The following EWSR1 variants were observed in gnomAD, a reference collection of about 807,000 sequenced individuals.
The protein encoded by EWSR1 is EWS RNA binding protein 1, also known as RNA-binding protein EWS.
Under a neutral mutation model 92.1 loss-of-function variants are expected in EWSR1, and 14 were observed. The ratio of observed to expected loss-of-function variants is 0.15; its 90% CI spans 0.10 to 0.24. EWSR1 has a LOEUF of 0.24. Ranked by LOEUF, EWSR1 falls within the 10% of genes least tolerant of loss-of-function variation. The pLI is 1.00. For missense variants in EWSR1, 637 were observed against 870.9 expected, an observed-to-expected ratio of 0.73 and a Z score of 3.38; for synonymous variants, 303 against 292.9, an observed-to-expected ratio of 1.03 and a Z score of -0.35.
intron 4 of EWSR1, chr22:29,275,921 TTTTTTGTTTTTTTG>T (rs1428913658): frequency 1.0e-5 from 2 of 199,820 alleles, no homozygotes; most frequent in Non-Finnish European, 1.9e-5. Flanking sequence ...GGTCTTTTGT[TTTTTTGTTTTTTTG>T]TTTTTTTTTT....
At chr22:29,299,445 G>T (rs946723494) in intron 15 of EWSR1, 114 bp downstream of exon 15, 3 of 1,498,008 alleles carry the variant, frequency 2.0e-6, no homozygotes, top group African/African-American at 1.4e-5. Flanking sequence ...GAGTTGTCGT[G>T]TCCTCATTTC....
chr22:29,282,043 C>T (rs1407296455), intron 5 of EWSR1, among the ~76,000 whole-genome samples: 2 of 152,158 alleles, frequency 1.3e-5, no homozygotes, highest in African/African-American at 4.8e-5. Context: ...AGCATTTATT[C>T]CCTAACAGAT....
At position 29,298,507 on chromosome 22, in the gene EWSR1, C is replaced by CAA. The variant is rs35896020; in HGVS notation, c.1418-209_1418-208dup. On this transcript the variant is annotated intron_variant, in intron 13 of 16. Coordinates refer to ENST00000397938, the MANE Select transcript of EWSR1 (RefSeq NM_005243.4). Reference sequence around the variant, plus strand: ...GGGCAACAGTGTGAGACTCCGTCTCCAAAAAAAAAAAAAAAAAATTGTGGG... The same window carrying CAA: ...GGGCAACAGTGTGAGACTCCGTCTCCAAAAAAAAAAAAAAAAAAAATTGTGGG... Among the ~76,000 whole-genome samples, 221 of 107,194 alleles carry CAA rather than the reference C, an allele frequency of 2.1e-3. 2 individuals carry two copies. In the South Asian group the frequency reaches 0.021, roughly 10 times the overall value. 70.3% of individuals were successfully genotyped at this position (107,194 alleles called of 152,430 possible). A position where few individuals can be genotyped will look rare whatever the true frequency, so the allele number is the denominator to read the frequency against.
rs377466992 is a variant in EWSR1 at position 29,298,726 on chromosome 22, G to C, written c.1418-7G>C. The C allele has an allele frequency of 9.9e-6, 16 of 1,612,740 alleles. No homozygotes were observed. Among genetic ancestry groups the C allele is most frequent in the Non-Finnish European group, 1.4e-5 (16 of 1,179,878 alleles). On this transcript the variant is annotated splice_polypyrimidine_tract_variant and splice_region_variant and intron_variant, in intron 13 of 16. Transcript: ENST00000397938. ...TGATTTGCTGTTTCTTGTTGTTCTT[G>C]TTGTAGGTCCAGGAGGCCCAGGAGG...
At chr22:29,278,469 A>C (rs2147026620) in intron 5 of EWSR1, among the ~76,000 whole-genome samples, 1 of 150,710 alleles carries the variant, frequency 6.6e-6, no homozygotes, top group East Asian at 2.0e-4. Flanking sequence ...GGCGGATCAT[A>C]TAAGGTCAGG....
At chr22:29,293,165 C>T (rs561692980) in intron 11 of EWSR1, among the ~76,000 whole-genome samples, 46 of 152,288 alleles carry the variant, frequency 3.0e-4, no homozygotes, top group African/African-American at 1.1e-3. Flanking sequence ...CATGCCACCA[C>T]ACCCAACTAA....
chr22:29,272,070 G>A lies in EWSR1; in HGVS notation c.14-146G>A, dbSNP rs530149163. ...CTTTTTTTTCTGTTAGATGTTGAGA[G>A]GTAAGGGGGACTCATTTGGACCTGT... is the stretch of plus-strand genomic sequence containing the variant. On this transcript the variant is annotated intron_variant, in intron 1 of 16. Transcript: ENST00000397938. 18 of 680,650 alleles carry A rather than the reference G, an allele frequency of 2.6e-5. No homozygotes were observed. The African/African-American group carries it at 2.9e-4, about 11-fold the overall frequency. 42.2% of individuals were successfully genotyped at this position (680,650 alleles called of 1,614,324 possible). A position where few individuals can be genotyped will look rare whatever the true frequency, so the allele number is the denominator to read the frequency against.
At chr22:29,298,614 C>A in intron 13 of EWSR1, 119 bp from the exon 14 acceptor site, 1 of 1,251,258 alleles carries the variant, frequency 8.0e-7, no homozygotes, top group Non-Finnish European at 1.2e-6. Flanking sequence ...AAACACGGGA[C>A]AGGTGATGGG....
At position 29,288,775 on chromosome 22, in the gene EWSR1, C is replaced by T. The variant is rs761753616; in HGVS notation, c.963C>T (p.Arg321=). 21 of 1,609,732 alleles carry T rather than the reference C, an allele frequency of 1.3e-5. No individual in the cohort carries two copies. Among genetic ancestry groups the T allele is most frequent in the South Asian group, 2.2e-5 (2 of 90,464 alleles). ...GMSRGGRGGG[R]GGMGSAGERG... is the part of the protein sequence containing the mutation. ...GCAGAGGTGGGCGGGGAGGAGGACG[C>T]GGTGGAATGGGGTAAGAGCAAACCT... is the stretch of plus-strand genomic sequence containing the variant. The change falls in exon 8 of 17, where the codon CGC becomes CGT. Residue 321 remains arginine (R), a synonymous_variant. Coordinates refer to ENST00000397938, the MANE Select transcript of EWSR1 (RefSeq NM_005243.4).
chr22:29,300,346 G>T lies in EWSR1; in HGVS notation c.*185G>T. ...AACAAGTTAAATGGTAGTGTGCGGA[G>T]TTTTTTTTTCTTCCTTCTTTTAAAA... is the stretch of plus-strand genomic sequence containing the variant. On this transcript the variant is annotated 3_prime_UTR_variant, in exon 17 of 17. Transcript: ENST00000397938. 3.5e-6 allele frequency: 2 copies of T among 570,696 alleles called. No homozygotes were observed. Among genetic ancestry groups the T allele is most frequent in the Non-Finnish European group, 5.9e-6 (2 of 337,114 alleles). The allele number at this position is 570,696 out of a possible 1,614,324, so 35.4% of individuals were successfully genotyped here. A position where few individuals can be genotyped will look rare whatever the true frequency, so the allele number is the denominator to read the frequency against.
intron 8 of EWSR1, chr22:29,290,671 C>T: frequency 7.3e-7 from 1 of 1,373,458 alleles, no homozygotes; most frequent in South Asian, 2.0e-5. Context: ...AAAGTGTAAA[C>T]TTTTGTGTTT....
Position 29,300,455 on chromosome 22 carries a change from G to T in EWSR1, c.*294G>T. ...GGAGAACCAAGAGGGCCTCTTAACT[G>T]TAACAATGTTCATGGTTGTGATGTT... On this transcript the variant is annotated 3_prime_UTR_variant, in exon 17 of 17. Transcript: ENST00000397938. 2 of 308,196 alleles carry T rather than the reference G, an allele frequency of 6.5e-6. No individual in the cohort carries two copies. Among genetic ancestry groups the T allele is most frequent in the Non-Finnish European group, 1.2e-5 (2 of 169,480 alleles). 19.1% of individuals were successfully genotyped at this position (308,196 alleles called of 1,614,324 possible).
Position 29,268,299 on chromosome 22 carries a change from G to A in EWSR1, c.-38G>A, listed in dbSNP as rs1455316392. On this transcript the variant is annotated 5_prime_UTR_variant, in exon 1 of 17. Transcript: ENST00000397938. ...CGGCGCCTAGAGGGAAAGCGAGAGGGAGACGGACGTTGAGAGAACGAGGAG... is the reference window on the plus strand; with the variant it reads ...CGGCGCCTAGAGGGAAAGCGAGAGGAAGACGGACGTTGAGAGAACGAGGAG... 1 of 1,610,898 alleles carries A rather than the reference G, an allele frequency of 6.2e-7. No individual in the cohort carries two copies. Among genetic ancestry groups the A allele is most frequent in the Admixed American group, 1.7e-5 (1 of 60,036 alleles).
chr22:29,297,436 A>G (rs1007686772), intron 12 of EWSR1, among the ~76,000 whole-genome samples: 9 of 152,232 alleles, frequency 5.9e-5, no homozygotes, highest in Non-Finnish European at 8.8e-5. Context: ...TCTTGCCTAT[A>G]ATCCTACCAC....
In EWSR1 at chr22:29,283,577, G is replaced by A. The variant is rs559288288; in HGVS notation, c.581+1020G>A. Among the ~76,000 whole-genome samples, 38 of 151,440 alleles carry A rather than the reference G, an allele frequency of 2.5e-4. 1 individual carries two copies. The highest frequency in any genetic ancestry group is 8.4e-4 in the African/African-American group (34 of 40,702). On this transcript the variant is annotated intron_variant, in intron 6 of 16. Transcript: ENST00000397938. The stretch of plus-strand genomic sequence containing the variant: ...TTTCGCTCTTGTTGCCCAGGCTGGA[G>A]TGCAATGGCACAATCTCGGCTTACT...
At chr22:29,270,826 CAG>C (rs750772189) in intron 1 of EWSR1, among the ~76,000 whole-genome samples, 10 of 151,786 alleles carry the variant, frequency 6.6e-5, no homozygotes, top group Non-Finnish European at 1.0e-4. Context: ...GTTTTAATGT[CAG>C]AGAGAGTATG....
intron 12 of EWSR1, among the ~76,000 whole-genome samples, chr22:29,297,171 T>G (rs543590496): frequency 6.6e-6 from 1 of 152,278 alleles, no homozygotes; most frequent in African/African-American, 2.4e-5. Context: ...TTTTTTGAGA[T>G]GGTCTCACTT....
At position 29,292,159 on chromosome 22, in the gene EWSR1, T is replaced by C; in HGVS notation, c.1035T>C (p.Asp345=). The C allele has an allele frequency of 6.2e-7, 1 of 1,614,074 alleles. No individual in the cohort carries two copies. The highest frequency in any genetic ancestry group is 8.5e-7 in the Non-Finnish European group (1 of 1,179,902). Reference sequence around the variant, plus strand: ...CAGGACCCATGGATGAAGGACCAGATCTTGATCTAGGTAATTTTGAATTCT... The same window carrying C: ...CAGGACCCATGGATGAAGGACCAGACCTTGATCTAGGTAATTTTGAATTCT... ...KPGGPMDEGP[D]LDLGPPVDPD... Residue 345 remains aspartate, a synonymous_variant, in exon 10 of 17, where the codon GAT becomes GAC. Transcript: ENST00000397938.
Position 29,297,786 on chromosome 22 carries a change from G to A in EWSR1, c.1295-41G>A, listed in dbSNP as rs117679903. On this transcript the variant is annotated intron_variant, in intron 12 of 16. Coordinates refer to ENST00000397938, the MANE Select transcript of EWSR1 (RefSeq NM_005243.4). Reference sequence around the variant, plus strand: ...TGATGATGTGGAGTTGGTGAACAGGGAGTACAGGGGAGTAATTGATGTTCT... The same window carrying A: ...TGATGATGTGGAGTTGGTGAACAGGAAGTACAGGGGAGTAATTGATGTTCT... The A allele has an allele frequency of 1.6e-4, 254 of 1,609,698 alleles. 3 individuals are homozygous for A. In the East Asian group the frequency reaches 4.7e-3, roughly 30 times the overall value.
Sources: gnomAD v4.1 joint callset for allele counts (sites outside exome capture counted in the v4.1 genomes callset) on GRCh38, gnomAD v4.1.1 for gene constraint, MANE v1.5 for transcripts, NCBI Gene and HGNC (gene_info 2026-07-23, HGNC 2026-07-21) for gene names.